The following ACSS1 variants were observed in gnomAD, a reference collection of about 807,000 sequenced individuals.
ACSS1 encodes acetyl-coenzyme A synthetase 2-like, mitochondrial.
A neutral mutation model predicts 75.3 loss-of-function variants in ACSS1; 42 were observed. That is an observed-to-expected ratio of 0.56 (90% confidence interval 0.44 to 0.72). The LOEUF (loss-of-function observed/expected upper bound fraction) is 0.72, where lower values mean the gene tolerates loss of function less well. ACSS1 is among the 30% of genes least tolerant of loss of function. The pLI, the probability that ACSS1 is intolerant of heterozygous loss-of-function variation, is 0.00. For missense variants in ACSS1, 782 were observed against 935.7 expected (o/e 0.84, Z 2.14); for synonymous variants, 380 against 376.8 (o/e 1.01, Z -0.10).
intron 2 of ACSS1, among the ~76,000 whole-genome samples, chr20:25,032,165 G>A (rs1201301722): frequency 6.6e-6 from 1 of 152,182 alleles, no homozygotes. Context: ...CGTCCACCAC[G>A]TTGCCTATGT....
chr20:25,013,902 C>T, intron 9 of ACSS1, 59 bp downstream of exon 9: 1 of 1,533,884 alleles, frequency 6.5e-7, no homozygotes, highest in Non-Finnish European at 9.0e-7. Context: ...CTGGGCTGGG[C>T]AGGCAGGGAC....
At position 25,032,378 on chromosome 20, in the gene ACSS1, G is replaced by A. The variant is rs766949230; in HGVS notation, c.432-1420C>T. The A allele has an allele frequency of 3.1e-4, 418 of 1,369,388 alleles. 2 individuals are homozygous for A. Among genetic ancestry groups the A allele is most frequent in the South Asian group, 9.8e-4 (55 of 56,110 alleles). 84.8% of individuals were successfully genotyped at this position (1,369,388 alleles called of 1,614,324 possible). Reference sequence around the variant, plus strand: ...AGAGCCGCCAACTTGCCGGCCATGCGGTGCGAAGTGGAGGAAGTGGAAGCG... The same window carrying A: ...AGAGCCGCCAACTTGCCGGCCATGCAGTGCGAAGTGGAGGAAGTGGAAGCG... On this transcript the variant is annotated intron_variant, in intron 2 of 13. Coordinates refer to ENST00000323482, the MANE Select transcript of ACSS1 (RefSeq NM_032501.4).
intron 9 of ACSS1, 41 bp from the exon 10 acceptor site, chr20:25,013,703 G>A (rs1210403684): frequency 6.4e-7 from 1 of 1,565,546 alleles, no homozygotes. Flanking sequence ...GGCAGGCTCT[G>A]GGTGAGAAGT....
At chr20:25,008,049 G>A (rs373286451) in intron 13 of ACSS1, 108 bp from the exon 14 acceptor site, 26 of 1,380,528 alleles carry the variant, frequency 1.9e-5, no homozygotes, top group Middle Eastern at 2.6e-4. Flanking sequence ...ATGCCCTCCC[G>A]GGGATCCACA....
chr20:25,042,178 G>C (rs536450250), intron 2 of ACSS1, among the ~76,000 whole-genome samples: 2 of 152,154 alleles, frequency 1.3e-5, no homozygotes. Flanking sequence ...AAACTACGAC[G>C]TGCCAGGACC....
At position 25,006,914 on chromosome 20, in the gene ACSS1, T is replaced by C. The variant is rs567111480; in HGVS notation, c.*848A>G. ...TAATAGCTTCCCTGAAGAACCCAAC[T>C]ATTTGGAGTATGTTGCCTCTCCTAT... On this transcript the variant is annotated 3_prime_UTR_variant, in exon 14 of 14. Coordinates refer to ENST00000323482, the MANE Select transcript of ACSS1 (RefSeq NM_032501.4). The C allele has an allele frequency of 6.5e-7, 1 of 1,535,442 alleles. No individual in the cohort carries two copies. Among genetic ancestry groups the C allele is most frequent in the African/African-American group, 1.4e-5 (1 of 73,154 alleles).
chr20:25,056,824 T>A (rs1600357490), intron 1 of ACSS1, among the ~76,000 whole-genome samples: 4 of 152,288 alleles, frequency 2.6e-5, no homozygotes, highest in African/African-American at 9.6e-5. Flanking sequence ...CAACACCGTG[T>A]CTGCCAGCCC....
At chr20:25,046,463 G>A (rs1477563753) in intron 2 of ACSS1, 1 of 323,432 alleles carries the variant, frequency 3.1e-6, no homozygotes, top group Non-Finnish European at 5.9e-6. Flanking sequence ...CAGCCGAGGG[G>A]GCGTGGCACA....
intron 2 of ACSS1, among the ~76,000 whole-genome samples, chr20:25,044,229 G>T (rs1051274447): frequency 6.6e-6 from 1 of 152,144 alleles, no homozygotes; most frequent in African/African-American, 2.4e-5. Flanking sequence ...ATCTACCTGG[G>T]CCACCGCTTT....
chr20:25,029,705 T>C (rs2088788867), intron 3 of ACSS1, among the ~76,000 whole-genome samples: 1 of 152,186 alleles, frequency 6.6e-6, no homozygotes, highest in South Asian at 2.1e-4. Context: ...GCTTAATGGG[T>C]GTAAAGTGTA....
intron 1 of ACSS1, 85 bp downstream of exon 1, chr20:25,057,684 G>C (rs971116722): frequency 7.3e-7 from 1 of 1,373,878 alleles, no homozygotes; most frequent in African/African-American, 1.5e-5. Flanking sequence ...GCGCTGCCCG[G>C]GGACGGCTGC....
chr20:25,056,023 A>G (rs1221961072), intron 1 of ACSS1, among the ~76,000 whole-genome samples: 1 of 152,202 alleles, frequency 6.6e-6, no homozygotes, highest in Non-Finnish European at 1.5e-5. Context: ...CTGAAGCTCA[A>G]TTTCTGGCTA....
chr20:25,028,259 TA>T (rs919150090), intron 3 of ACSS1, among the ~76,000 whole-genome samples: 1 of 152,154 alleles, frequency 6.6e-6, no homozygotes, highest in African/African-American at 2.4e-5. Context: ...AAGCTAATCC[TA>T]AAATTCCTAT....
rs2089270119 is a variant in ACSS1, at chr20:25,058,014, C to G, written c.89G>C (p.Gly30Ala). The G allele has an allele frequency of 1.8e-5, 25 of 1,410,912 alleles. No individual in the cohort carries two copies. The highest frequency in any genetic ancestry group is 2.1e-5 in the Non-Finnish European group (23 of 1,089,020). 87.4% of individuals were successfully genotyped at this position (1,410,912 alleles called of 1,614,324 possible). The change falls in exon 1 of 14, where the codon GGG becomes GCG. Residue 30 changes from glycine (G) to alanine (A), a missense_variant. Gly to Ala is a moderately conservative substitution (Grantham distance 60). Transcript: ENST00000323482. ...LSGQPARPPC[G>A]VSAPRRAASG... ...GGCCGCCCTGCGCGGCGCGCTCACCCCGCACGGCGGCCGCGCGGGCTGCCC... is the reference window on the plus strand; with the variant it reads ...GGCCGCCCTGCGCGGCGCGCTCACCGCGCACGGCGGCCGCGCGGGCTGCCC...
chr20:25,041,604 A>G (rs971388846), intron 2 of ACSS1, among the ~76,000 whole-genome samples: 1 of 152,266 alleles, frequency 6.6e-6, no homozygotes, highest in South Asian at 2.1e-4. Context: ...GCCCTTCCAC[A>G]AAAGTGGCCC....
intron 5 of ACSS1, among the ~76,000 whole-genome samples, 195 bp downstream of exon 5, chr20:25,022,745 A>C (rs1026011100): frequency 6.6e-6 from 1 of 152,242 alleles, no homozygotes; most frequent in African/African-American, 2.4e-5. Context: ...CAGACAGTGC[A>C]GTGGGGGCTT....
chr20:25,008,995 T>C (rs958863452), intron 13 of ACSS1, among the ~76,000 whole-genome samples: 3 of 151,788 alleles, frequency 2.0e-5, no homozygotes, highest in African/African-American at 7.3e-5. Flanking sequence ...ACTGAGCATG[T>C]AGGCCTGCCT....
At chr20:25,050,997 G>A (rs7266133) in intron 1 of ACSS1, among the ~76,000 whole-genome samples, 4,984 of 152,162 alleles carry the variant, frequency 0.033, 262 homozygotes, top group African/African-American at 0.11. Flanking sequence ...CAGGTGCCTC[G>A]CCACATGCAG....
intron 7 of ACSS1, among the ~76,000 whole-genome samples, chr20:25,018,606 C>T (rs774454072): frequency 8.5e-5 from 13 of 152,136 alleles, no homozygotes; most frequent in African/African-American, 2.2e-4. Flanking sequence ...GACCTCAGGC[C>T]GGTTCTCTGA....
Sources: allele counts gnomAD v4.1 joint callset (sites outside exome capture counted in the v4.1 genomes callset), GRCh38; gene constraint gnomAD v4.1.1; transcripts MANE v1.5; gene names NCBI Gene and HGNC (gene_info 2026-07-23, HGNC 2026-07-21).